Variants in CTNNBL1 observed in about 807,000 individuals in gnomAD.
The protein encoded by CTNNBL1 is beta-catenin-like protein 1.
CTNNBL1 carries 31 observed loss-of-function variants against 72.7 expected under a neutral mutation model. That is an observed-to-expected ratio of 0.43 (90% CI 0.32 to 0.58). The LOEUF is 0.58. Ranked by LOEUF, CTNNBL1 falls within the 20% of genes least tolerant of loss-of-function variation. The pLI is 0.08. For missense variants in CTNNBL1, 534 were observed against 725.1 expected, an observed-to-expected ratio of 0.74 and a Z score of 3.03; for synonymous variants, 240 against 267.3, an observed-to-expected ratio of 0.90 and a Z score of 1.00.
chr20:37,758,079 A>T (rs1006253726), intron 5 of CTNNBL1, among the ~76,000 whole-genome samples: 4 of 152,092 alleles, frequency 2.6e-5, no homozygotes, highest in Non-Finnish European at 5.9e-5. Context: ...GTTGCTACTG[A>T]CCTTTTTACA....
At chr20:37,784,981 A>C (rs1013743754) in intron 10 of CTNNBL1, among the ~76,000 whole-genome samples, 1 of 152,050 alleles carries the variant, frequency 6.6e-6, no homozygotes, top group Non-Finnish European at 1.5e-5. Context: ...TTTCTCCCTC[A>C]TGTTTGGAGG....
intron 1 of CTNNBL1, among the ~76,000 whole-genome samples, chr20:37,716,625 AC>A (rs1361366669): frequency 1.3e-5 from 2 of 152,188 alleles, no homozygotes; most frequent in African/African-American, 4.8e-5. Context: ...CAGACATGAA[AC>A]CATATCTTTT....
At chr20:37,764,783 G>A (rs946053232) in intron 5 of CTNNBL1, among the ~76,000 whole-genome samples, 2 of 152,130 alleles carry the variant, frequency 1.3e-5, no homozygotes, top group Non-Finnish European at 2.9e-5. Context: ...TGGTGCATTG[G>A]CCTAAAGACG....
chr20:37,754,966 C>T (rs745496745), intron 4 of CTNNBL1, among the ~76,000 whole-genome samples: 2 of 152,126 alleles, frequency 1.3e-5, no homozygotes, highest in Non-Finnish European at 2.9e-5. Context: ...TGCCACCACA[C>T]CTGTCTGATT....
intron 10 of CTNNBL1, among the ~76,000 whole-genome samples, chr20:37,786,247 A>G (rs1375654324): frequency 1.3e-5 from 2 of 152,278 alleles, no homozygotes; most frequent in East Asian, 3.9e-4. Flanking sequence ...CAAGGCTCAC[A>G]TTGACCACTG....
intron 1 of CTNNBL1, among the ~76,000 whole-genome samples, chr20:37,713,066 C>T (rs908397540): frequency 6.6e-6 from 1 of 152,230 alleles, no homozygotes; most frequent in Non-Finnish European, 1.5e-5. Context: ...GGGATCCTTA[C>T]ACCTCACTCA....
rs543871918 is a variant in CTNNBL1, at chr20:37,715,996, GTA to G, written c.31-16881_31-16880del. On this transcript the variant is annotated intron_variant, in intron 1 of 15. Transcript: ENST00000361383. The stretch of plus-strand genomic sequence containing the variant: ...AGTATTGTCTGTGCACTGTTTTTGG[GTA>G]TTTTTTTTTTAAAGGCAACCAGTTC... Among the ~76,000 whole-genome samples the G allele has an allele frequency of 4.6e-3, 630 of 137,048 alleles. 5 individuals carry two copies. Among genetic ancestry groups the G allele is most frequent in the African/African-American group, 0.016 (598 of 37,744 alleles). 89.9% of individuals were successfully genotyped at this position (137,048 alleles called of 152,430 possible). A position where few individuals can be genotyped will look rare whatever the true frequency, so the allele number is the denominator to read the frequency against.
chr20:37,737,658 G>C (rs2073182433), intron 3 of CTNNBL1, among the ~76,000 whole-genome samples, 174 bp downstream of exon 3: 1 of 152,172 alleles, frequency 6.6e-6, no homozygotes, highest in Non-Finnish European at 1.5e-5. Flanking sequence ...TGATACTCAG[G>C]GCTGTGGTTT....
intron 1 of CTNNBL1, among the ~76,000 whole-genome samples, chr20:37,729,048 A>G (rs1193882507): frequency 6.6e-6 from 1 of 152,218 alleles, no homozygotes; most frequent in South Asian, 2.1e-4. Context: ...TTCAAACCTT[A>G]TAACTCTTTA....
At position 37,694,102 on chromosome 20, in the gene CTNNBL1, G is replaced by T. The variant is rs779816351; in HGVS notation, c.-21G>T. 6.2e-7 allele frequency: 1 copy of T among 1,604,554 alleles called. No homozygotes were observed. Among genetic ancestry groups the T allele is most frequent in the Non-Finnish European group, 8.5e-7 (1 of 1,176,196 alleles). On this transcript the variant is annotated 5_prime_UTR_variant, in exon 1 of 16. Transcript: ENST00000361383. ...CTGGGCGTGAGTGCAGGGAAGTGGA[G>T]TATTTGCTGGGCCGGGTACCATGGA...
At chr20:37,854,785 C>T (rs1007561643) in intron 13 of CTNNBL1, among the ~76,000 whole-genome samples, 4 of 151,812 alleles carry the variant, frequency 2.6e-5, no homozygotes, top group East Asian at 1.9e-4. Context: ...AACAGGGTTT[C>T]GCCATGATGG....
At chr20:37,707,750 C>A (rs528039962) in intron 1 of CTNNBL1, among the ~76,000 whole-genome samples, 25 of 152,362 alleles carry the variant, frequency 1.6e-4, no homozygotes, top group African/African-American at 5.3e-4. Flanking sequence ...ACAGGCCTCG[C>A]TTTCGGCCCA....
rs746892049 is a variant in CTNNBL1 at position 37,792,335 on chromosome 20, C to T, written c.1032-10532C>T. On this transcript the variant is annotated intron_variant, in intron 10 of 15. Transcript: ENST00000361383. ...CTCTCTTTCTCTCTGTGTGTTTGTG[C>T]GTGTATTTGTGTGTGTGTGTTTGAG... Among the ~76,000 whole-genome samples the T allele has an allele frequency of 1.4e-4, 21 of 151,630 alleles. No homozygotes were observed. In the South Asian group the frequency reaches 1.7e-3, roughly 12 times the overall value.
intron 1 of CTNNBL1, among the ~76,000 whole-genome samples, chr20:37,698,318 C>T (rs904159653): frequency 1.3e-5 from 2 of 152,198 alleles, no homozygotes; most frequent in Non-Finnish European, 2.9e-5. Flanking sequence ...CCAGGAGCAT[C>T]TCCTTCCCCA....
intron 6 of CTNNBL1, 93 bp downstream of exon 6, chr20:37,765,383 A>G (rs1242691916): frequency 1.2e-6 from 1 of 806,712 alleles, no homozygotes; most frequent in Non-Finnish European, 2.1e-6. Flanking sequence ...AATAGAGTCA[A>G]TAGCAGGCTG....
At chr20:37,710,141 C>T (rs1465067404) in intron 1 of CTNNBL1, among the ~76,000 whole-genome samples, 1 of 152,214 alleles carries the variant, frequency 6.6e-6, no homozygotes, top group Non-Finnish European at 1.5e-5. Flanking sequence ...CTCAGTAGGA[C>T]ACACTGTGAT....
chr20:37,730,720 T>C (rs1054759494), intron 1 of CTNNBL1, among the ~76,000 whole-genome samples: 1 of 152,222 alleles, frequency 6.6e-6, no homozygotes, highest in African/African-American at 2.4e-5. Context: ...CACACACCTG[T>C]AGTCTCAGCT....
At chr20:37,705,669 G>A (rs181200033) in intron 1 of CTNNBL1, among the ~76,000 whole-genome samples, 17 of 152,230 alleles carry the variant, frequency 1.1e-4, no homozygotes, top group African/African-American at 2.4e-4. Context: ...TTATTTTCCC[G>A]TGGTCTCTTT....
intron 1 of CTNNBL1, among the ~76,000 whole-genome samples, chr20:37,732,605 C>T (rs1327632202): frequency 6.6e-6 from 1 of 152,200 alleles, no homozygotes; most frequent in Non-Finnish European, 1.5e-5. Flanking sequence ...AGCTTTACCC[C>T]ATGTGGTGGG....
Sources: gnomAD v4.1 joint callset for allele counts (sites outside exome capture counted in the v4.1 genomes callset) on GRCh38, gnomAD v4.1.1 for gene constraint, MANE v1.5 for transcripts, NCBI Gene and HGNC (gene_info 2026-07-23, HGNC 2026-07-21) for gene names.